Variants in ALPL observed in about 807,000 individuals in gnomAD.
ALPL encodes alkaline phosphatase, tissue-nonspecific isozyme.
ALPL carries 42 observed loss-of-function variants against 51.3 expected under a neutral mutation model. The ratio of observed to expected loss-of-function variants is 0.82; its 90% CI spans 0.64 to 1.06. The LOEUF (loss-of-function observed/expected upper bound fraction) is 1.06. Ranked by LOEUF, ALPL falls within the 50% of genes least tolerant of loss-of-function variation. The probability of loss-of-function intolerance (pLI) is 0.00; values close to 1 mark genes in which losing one functional copy is unlikely to be tolerated. For missense variants in ALPL, 589 were observed against 709.4 expected (o/e 0.83, Z 1.93); for synonymous variants, 279 against 296.4 (o/e 0.94, Z 0.60).
rs4654760 is a variant in ALPL, at chr1:21,576,687, C to T, written c.1309+46C>T. ...GGCTGGGAGGGGACAGGGCACCCCT[C>T]GGGGATGGGCTTGGGAATAGGGTGT... On this transcript the variant is annotated intron_variant, in intron 11 of 11. Coordinates refer to ENST00000374840, the MANE Select transcript of ALPL (RefSeq NM_000478.6). The T allele has an allele frequency of 0.092, 148,816 of 1,610,428 alleles. 12,691 individuals carry two copies. The highest frequency in any genetic ancestry group is 0.5 in the East Asian group (22,460 of 44,680).
chr1:21,538,488 C>T (rs561098162), intron 1 of ALPL, among the ~76,000 whole-genome samples: 53 of 152,342 alleles, frequency 3.5e-4, no homozygotes, highest in African/African-American at 1.0e-3. Flanking sequence ...CCTCTGCGCC[C>T]GCCACCCAGG....
At chr1:21,571,728 G>A (rs944821807) in intron 8 of ALPL, among the ~76,000 whole-genome samples, 9 of 151,804 alleles carry the variant, frequency 5.9e-5, no homozygotes, top group South Asian at 2.1e-4. Flanking sequence ...AATGGCTCGC[G>A]CCTGTAATCC....
chr1:21,551,982 C>T lies in ALPL; in HGVS notation c.-104-1996C>T, dbSNP rs557090970. Among the ~76,000 whole-genome samples the T allele has an allele frequency of 1.2e-3, 176 of 151,076 alleles. 1 individual carries two copies. The highest frequency in any genetic ancestry group is 4.2e-3 in the African/African-American group (172 of 41,386). On this transcript the variant is annotated intron_variant, in intron 1 of 11. Coordinates refer to ENST00000374840, the MANE Select transcript of ALPL (RefSeq NM_000478.6). Reference sequence around the variant, plus strand: ...CTTCGTGATCCGCCCGCCTCGGCCTCCCAAAGTGCTGGGATTACAGGCGTG... The same window carrying T: ...CTTCGTGATCCGCCCGCCTCGGCCTTCCAAAGTGCTGGGATTACAGGCGTG...
chr1:21,522,033 C>T (rs1289626529), intron 1 of ALPL, among the ~76,000 whole-genome samples: 6 of 151,600 alleles, frequency 4.0e-5, no homozygotes, highest in Non-Finnish European at 7.4e-5. Context: ...GTGTCGACTC[C>T]GTGAGAGGTA....
intron 1 of ALPL, among the ~76,000 whole-genome samples, chr1:21,538,086 A>C (rs1299904594): frequency 2.0e-5 from 3 of 152,174 alleles, no homozygotes; most frequent in South Asian, 4.1e-4. Context: ...GCTAACACCT[A>C]TTGTTTAATG....
chr1:21,545,030 G>A (rs1178241072), intron 1 of ALPL, among the ~76,000 whole-genome samples: 1 of 151,918 alleles, frequency 6.6e-6, no homozygotes, highest in Non-Finnish European at 1.5e-5. Context: ...GTTTCCCAGT[G>A]GGTTTCGAGA....
At chr1:21,551,916 G>C (rs1332586585) in intron 1 of ALPL, among the ~76,000 whole-genome samples, 3 of 150,868 alleles carry the variant, frequency 2.0e-5, no homozygotes, top group Non-Finnish European at 4.4e-5. Context: ...TAGTAGAGAC[G>C]GGGTTTCACT....
intron 1 of ALPL, among the ~76,000 whole-genome samples, chr1:21,522,969 G>A (rs1034915697): frequency 2.6e-5 from 4 of 152,154 alleles, no homozygotes; most frequent in Admixed American, 6.5e-5. Flanking sequence ...CCCCACTCAC[G>A]GATGGGGAGC....
intron 1 of ALPL, chr1:21,551,455 A>G (rs1456886844): frequency 2.0e-5 from 3 of 152,196 alleles, no homozygotes; most frequent in African/African-American, 7.2e-5. Flanking sequence ...GTGATTTTAA[A>G]TAATAGTTTA....
chr1:21,553,025 T>G (rs1310951392), intron 1 of ALPL, among the ~76,000 whole-genome samples: 1 of 151,916 alleles, frequency 6.6e-6, no homozygotes, highest in African/African-American at 2.4e-5. Context: ...AAAACATTCT[T>G]ATGCCATTAA....
At position 21,564,103 on chromosome 1, in the gene ALPL, G is replaced by T. The variant is rs121918000; in HGVS notation, c.535G>T (p.Ala179Ser). 6.2e-7 allele frequency: 1 copy of T among 1,614,052 alleles called. No homozygotes were observed. The highest frequency in any genetic ancestry group is 8.5e-7 in the Non-Finnish European group (1 of 1,180,004). The change falls in exon 6 of 12, where the codon GCC becomes TCC. Residue 179 changes from alanine (A) to serine (S), a missense_variant. By Grantham distance (99) the Ala-to-Ser change is moderately conservative. Transcript: ENST00000374840. The surrounding 1 kb of genome is among the most constrained non-coding windows in gnomAD (Gnocchi z 5.8). ...VNHATPSAAY[A>S]HSADRDWYSD... The stretch of plus-strand genomic sequence containing the variant: ...CCATGCCACCCCCAGCGCCGCCTAC[G>T]CCCACTCGGCTGACCGGGACTGGTA...
At chr1:21,554,167 G>A in intron 2 of ALPL, 25 bp downstream of exon 2, 1 of 1,611,814 alleles carries the variant, frequency 6.2e-7, no homozygotes, top group South Asian at 1.1e-5. Context: ...ACAGGTGGAG[G>A]CATAAAAAGG....
Position 21,560,694 on chromosome 1 carries a change from C to T in ALPL, c.130C>T (p.Gln44Ter), listed in dbSNP as rs1057516293. The T allele has an allele frequency of 1.2e-6, 2 of 1,614,158 alleles. No homozygotes were observed. The highest frequency in any genetic ancestry group is 1.7e-6 in the Non-Finnish European group (2 of 1,180,040). ...GACACTGAAATATGCCCTGGAGCTT[C>T]AGAAGCTCAACACCAACGTGGCTAA... The part of the protein sequence containing the change: ...QETLKYALEL[Q>*]KLNTNVAKNV... The change falls in exon 3 of 12, where the codon CAG becomes TAG. Residue 44 changes from glutamine (Q) to a stop codon, truncating the protein, a stop_gained. Transcript: ENST00000374840. LOFTEE classifies it high-confidence loss of function.
intron 1 of ALPL, among the ~76,000 whole-genome samples, chr1:21,529,752 T>G (rs1644003632): frequency 6.6e-6 from 1 of 152,180 alleles, no homozygotes; most frequent in African/African-American, 2.4e-5. Context: ...TCACAGTTTA[T>G]GGAGACTTTT....
intron 7 of ALPL, among the ~76,000 whole-genome samples, chr1:21,570,023 G>A (rs1413766472): frequency 6.6e-6 from 1 of 152,032 alleles, no homozygotes; most frequent in Non-Finnish European, 1.5e-5. Flanking sequence ...TGTCCTCCAG[G>A]GACCCATTAG....
At chr1:21,510,562 C>T (rs1285912665) in intron 1 of ALPL, among the ~76,000 whole-genome samples, 1 of 152,212 alleles carries the variant, frequency 6.6e-6, no homozygotes, top group African/African-American at 2.4e-5. Context: ...ATCTCATGTA[C>T]ATCATTTCAT....
chr1:21,541,900 A>G (rs964624992), intron 1 of ALPL, among the ~76,000 whole-genome samples: 9 of 152,172 alleles, frequency 5.9e-5, no homozygotes, highest in Admixed American at 3.9e-4. Flanking sequence ...GTTTCCTGCC[A>G]GGATGGGGTG....
chr1:21,535,589 T>G (rs1433242013), intron 1 of ALPL, among the ~76,000 whole-genome samples: 1 of 151,796 alleles, frequency 6.6e-6, no homozygotes, highest in Non-Finnish European at 1.5e-5. Context: ...CACTTCAGCC[T>G]GAATGACAGA....
Position 21,554,815 on chromosome 1 carries a change from G to GTCTGTCTT in ALPL, c.61+676_61+677insGTCTTTCT, listed in dbSNP as rs1367097121. 1.3e-3 allele frequency among the ~76,000 whole-genome samples: 107 copies of GTCTGTCTT among 83,718 alleles called. 1 individual carries two copies. The highest frequency in any genetic ancestry group is 3.2e-3 in the African/African-American group (80 of 24,772). The allele number at this position is 83,718 out of a possible 152,430, so 54.9% of individuals were successfully genotyped here. A position where few individuals can be genotyped will look rare whatever the true frequency, so the allele number is the denominator to read the frequency against. Reference sequence around the variant, plus strand: ...TGTCTGTCTGTCTGTCTGTCTGTCTGTCTTTCTTTCTTTCTTTCTTTCTTT... The same window carrying GTCTGTCTT: ...TGTCTGTCTGTCTGTCTGTCTGTCTGTCTGTCTTTCTTTCTTTCTTTCTTTCTTTCTTT... On this transcript the variant is annotated intron_variant, in intron 2 of 11. Transcript: ENST00000374840.
Sources: allele counts gnomAD v4.1 joint callset (sites outside exome capture counted in the v4.1 genomes callset), GRCh38; gene constraint gnomAD v4.1.1; non-coding constraint Gnocchi (gnomAD v3.1); transcripts MANE v1.5; gene names NCBI Gene and HGNC (gene_info 2026-07-23, HGNC 2026-07-21).